The following CTNND2 variants were observed in gnomAD, a reference collection of about 807,000 sequenced individuals.
CTNND2 encodes the protein catenin delta 2.
A neutral mutation model predicts 144.4 loss-of-function variants in CTNND2; 22 were observed. The observed-to-expected ratio is 0.15, with a 90% CI of 0.11 to 0.22. The LOEUF is 0.22. Among genes scored for constraint, CTNND2 ranks in the 10% least tolerant of loss-of-function variants. The probability of loss-of-function intolerance (pLI) is 1.00; values close to 1 mark genes in which losing one functional copy is unlikely to be tolerated. For synonymous variants in CTNND2, 751 were observed against 695.6 expected, an observed-to-expected ratio of 1.08 and a Z score of -1.25; for missense variants, 1,353 against 1,618.8, an observed-to-expected ratio of 0.84 and a Z score of 2.82.
At chr5:11,005,659 T>C (rs980455929) in intron 18 of CTNND2, among the ~76,000 whole-genome samples, 1 of 152,214 alleles carries the variant, frequency 6.6e-6, no homozygotes. Flanking sequence ...TTGGGTGCTA[T>C]TTACTGAGAT....
chr5:11,502,071 C>T (rs1052344703), intron 3 of CTNND2, among the ~76,000 whole-genome samples: 3 of 148,424 alleles, frequency 2.0e-5, no homozygotes, highest in Admixed American at 6.7e-5. Context: ...CAGGCGTGCT[C>T]TCTTTGCATG....
chr5:11,755,546 CT>C (rs1285648874), intron 1 of CTNND2, among the ~76,000 whole-genome samples: 2 of 151,390 alleles, frequency 1.3e-5, no homozygotes, highest in African/African-American at 4.8e-5. Context: ...TTCCAAGTTG[CT>C]TGCTTACTCT....
intron 2 of CTNND2, among the ~76,000 whole-genome samples, chr5:11,622,167 T>C (rs1780877950): frequency 6.6e-6 from 1 of 152,124 alleles, no homozygotes; most frequent in African/African-American, 2.4e-5. Flanking sequence ...AACATAAATT[T>C]CTGGTAAAAA....
At chr5:11,785,478 G>A (rs1031187541) in intron 1 of CTNND2, among the ~76,000 whole-genome samples, 1 of 152,068 alleles carries the variant, frequency 6.6e-6, no homozygotes, top group African/African-American at 2.4e-5. Context: ...AATTTAAAGT[G>A]AATAAAATAT....
chr5:11,830,414 T>TCCC (rs1793833889), intron 1 of CTNND2, among the ~76,000 whole-genome samples: 1 of 152,134 alleles, frequency 6.6e-6, no homozygotes, highest in Non-Finnish European at 1.5e-5. Flanking sequence ...GGCAAGTCTT[T>TCCC]CCCGTGCTGT....
intron 12 of CTNND2, among the ~76,000 whole-genome samples, chr5:11,155,866 A>G (rs1720012268): frequency 6.6e-6 from 1 of 152,220 alleles, no homozygotes. Flanking sequence ...TTCATTTTAC[A>G]TTTCATATGT....
chr5:11,745,284 G>T (rs1788246604), intron 1 of CTNND2, among the ~76,000 whole-genome samples: 1 of 152,050 alleles, frequency 6.6e-6, no homozygotes, highest in East Asian at 1.9e-4. Context: ...GCATTCTCAG[G>T]AGTCTTCTTT....
chr5:11,511,457 T>C (rs1190279400), intron 3 of CTNND2, among the ~76,000 whole-genome samples: 2 of 152,066 alleles, frequency 1.3e-5, no homozygotes, highest in East Asian at 3.9e-4. Flanking sequence ...CCAAGGTTAG[T>C]GAGTGGGGAG....
At chr5:11,233,635 C>A (rs908496586) in intron 10 of CTNND2, among the ~76,000 whole-genome samples, 14 of 151,902 alleles carry the variant, frequency 9.2e-5, no homozygotes, top group African/African-American at 3.4e-4. Context: ...AAGGTAGAAC[C>A]AATTACTAAC....
intron 2 of CTNND2, among the ~76,000 whole-genome samples, chr5:11,657,559 T>C (rs911129731): frequency 6.6e-6 from 1 of 152,088 alleles, no homozygotes; most frequent in Non-Finnish European, 1.5e-5. Flanking sequence ...GTGTCTCAGG[T>C]TTTATGAGTT....
chr5:11,294,187 A>C lies in CTNND2; in HGVS notation c.1628+52185T>G, dbSNP rs767392392. Among the ~76,000 whole-genome samples the C allele has an allele frequency of 7.1e-3, 1,075 of 152,084 alleles. 6 individuals are homozygous for C. Among genetic ancestry groups the C allele is most frequent in the Non-Finnish European group, 0.012 (791 of 67,968 alleles). On this transcript the variant is annotated intron_variant, in intron 9 of 21. Transcript: ENST00000304623. ...TCACTGTCACAATCTCAAAAAAAAA[A>C]AAAAAACAAAGCCAGTTCCAATTAA...
intron 12 of CTNND2, among the ~76,000 whole-genome samples, chr5:11,133,365 T>G (rs538103548): frequency 6.6e-6 from 1 of 152,322 alleles, no homozygotes; most frequent in African/African-American, 2.4e-5. Flanking sequence ...CTTTTTCTTT[T>G]TTTTGAGACG....
At chr5:11,790,381 T>C (rs138555295) in intron 1 of CTNND2, among the ~76,000 whole-genome samples, 13 of 152,276 alleles carry the variant, frequency 8.5e-5, no homozygotes, top group African/African-American at 3.1e-4. Context: ...CTGAGTTGAC[T>C]GACAATGTCA....
chr5:11,339,714 C>G (rs1272218612), intron 9 of CTNND2, among the ~76,000 whole-genome samples: 1 of 152,044 alleles, frequency 6.6e-6, no homozygotes, highest in African/African-American at 2.4e-5. Flanking sequence ...GGATTAGTGC[C>G]CTTTTAAAAG....
intron 3 of CTNND2, among the ~76,000 whole-genome samples, chr5:11,493,127 T>A (rs1769600120): frequency 6.6e-6 from 1 of 152,080 alleles, no homozygotes; most frequent in Admixed American, 6.6e-5. Context: ...TAATAATTAA[T>A]CTTTATTCAT....
At chr5:11,523,424 C>A (rs1422991159) in intron 3 of CTNND2, among the ~76,000 whole-genome samples, 1 of 152,124 alleles carries the variant, frequency 6.6e-6, no homozygotes, top group Non-Finnish European at 1.5e-5. Flanking sequence ...AGTCTCTCAA[C>A]AATGAATGAT....
intron 3 of CTNND2, among the ~76,000 whole-genome samples, chr5:11,460,794 G>A (rs1766138230): frequency 6.6e-6 from 1 of 152,144 alleles, no homozygotes; most frequent in South Asian, 2.1e-4. Flanking sequence ...GCTCATGCCT[G>A]TAATCTCAGC....
At chr5:11,783,430 T>C (rs753103766) in intron 1 of CTNND2, among the ~76,000 whole-genome samples, 1 of 152,128 alleles carries the variant, frequency 6.6e-6, no homozygotes, top group Non-Finnish European at 1.5e-5. Flanking sequence ...CTTCATAATT[T>C]GTTAAGTTGA....
chr5:11,481,433 G>C (rs200086773), intron 3 of CTNND2, among the ~76,000 whole-genome samples: 1 of 152,152 alleles, frequency 6.6e-6, no homozygotes, highest in African/African-American at 2.4e-5. Flanking sequence ...GCAACATGGC[G>C]AAATCTGTCT....
Sources: allele counts gnomAD v4.1 joint callset (sites outside exome capture counted in the v4.1 genomes callset), GRCh38; gene constraint gnomAD v4.1.1; transcripts MANE v1.5; gene names NCBI Gene and HGNC (gene_info 2026-07-23, HGNC 2026-07-21).